TTN: variants seen among roughly 807,000 people sequenced by gnomAD.
TTN encodes connectin.
In TTN, 1,525 loss-of-function variants were observed where a neutral mutation model predicts 3,223.0. The observed-to-expected ratio is 0.47, with a 90% CI of 0.45 to 0.49. TTN has a LOEUF of 0.49. TTN is among the 20% of genes least tolerant of loss of function. TTN has a pLI of 0.00. For synonymous variants in TTN, 14,094 were observed against 15,161.0 expected, an observed-to-expected ratio of 0.93 and a Z score of 5.17; for missense variants, 40,786 against 43,424.0, an observed-to-expected ratio of 0.94 and a Z score of 5.40.
chr2:178,566,764 C>T lies in TTN; in HGVS notation c.79368G>A (p.Glu26456=), dbSNP rs759135684. Residue 26456 remains glutamate (E), a synonymous_variant, in exon 326 of 363, where the codon GAG becomes GAA. Transcript: ENST00000589042. ...TTTCTGCAGAGACCCTGAATTCATA[C>T]TCATGATCTTCTGTTAATCCTGTCA... ...LRVTGLTEDH[E]YEFRVSAENA... 6.2e-7 allele frequency: 1 copy of T among 1,613,424 alleles called. No individual in the cohort carries two copies. The highest frequency in any genetic ancestry group is 1.1e-5 in the South Asian group (1 of 91,078).
chr2:178,564,853 C>A lies in TTN; in HGVS notation c.81279G>T (p.Trp27093Cys). 6.2e-7 allele frequency: 1 copy of A among 1,613,146 alleles called. No homozygotes were observed. Among genetic ancestry groups the A allele is most frequent in the South Asian group, 1.1e-5 (1 of 90,942 alleles). ...SISKDQMLVQ[W>C]HEPVNDGGTK... ...TGCCTCCATCATTCACTGGCTCATG[C>A]CATTGCACAAGCATCTGATCTTTTG... The change falls in exon 326 of 363, where the codon TGG becomes TGT. Residue 27093 changes from tryptophan (W) to cysteine (C), a missense_variant. Physicochemically the swap from Trp to Cys is radical, Grantham distance 215. Coordinates refer to ENST00000589042, the MANE Select transcript of TTN (RefSeq NM_001267550.2).
At chr2:178,771,541 G>T in intron 33 of TTN, 70 bp from the exon 34 acceptor site, 1 of 1,587,052 alleles carries the variant, frequency 6.3e-7, no homozygotes, top group African/African-American at 1.3e-5. Flanking sequence ...CTTTGCAGAA[G>T]TAAATATAAA....
At chr2:178,586,464 T>C (rs750194228) in intron 308 of TTN, 41 bp downstream of exon 308, 1 of 1,595,048 alleles carries the variant, frequency 6.3e-7, no homozygotes, top group Admixed American at 1.8e-5. Context: ...GAAATTCTAA[T>C]AAACTTACCA....
Position 178,769,862 on chromosome 2 carries a change from G to C in TTN, c.8719C>G (p.His2907Asp). ...KTASFECEVS[H>D]FNVPSMWLKN... Reference sequence around the variant, plus strand: ...AGCCACATGGAAGGGACATTGAAGTGGGACACCTCACACTCAAAAGAGGCA... The same window carrying C: ...AGCCACATGGAAGGGACATTGAAGTCGGACACCTCACACTCAAAAGAGGCA... The change falls in exon 37 of 363, where the codon CAC becomes GAC. Residue 2907 changes from histidine to aspartate, a missense_variant. Transcript: ENST00000589042. 1 of 1,614,012 alleles carries C rather than the reference G, an allele frequency of 6.2e-7. No homozygotes were observed. Among genetic ancestry groups the C allele is most frequent in the South Asian group, 1.1e-5 (1 of 91,080 alleles).
intron 335 of TTN, among the ~76,000 whole-genome samples, 162 bp from the exon 336 acceptor site, chr2:178,551,422 C>T (rs1699390037): frequency 6.6e-6 from 1 of 152,046 alleles, no homozygotes; most frequent in Non-Finnish European, 1.5e-5. Context: ...TCATTAATTT[C>T]AACTTTCCAT....
intron 78 of TTN, 36 bp downstream of exon 78, chr2:178,721,811 A>G: frequency 6.9e-7 from 1 of 1,445,108 alleles, no homozygotes; most frequent in African/African-American, 1.4e-5. Context: ...CAAATATGGT[A>G]AGGAACAAAT....
chr2:178,704,020 G>T, intron 106 of TTN, 127 bp downstream of exon 106: 2 of 1,185,978 alleles, frequency 1.7e-6, no homozygotes, highest in Non-Finnish European at 2.3e-6. Context: ...CTATGAGAAC[G>T]TGTGTTGGGA....
In TTN at chr2:178,795,069, G is replaced by T. The variant is rs145253432; in HGVS notation, c.1098C>A (p.Thr366=). ...EAEMRETTLT[T]STQIRTEERW... The stretch of plus-strand genomic sequence containing the variant: ...TCTCTTCTGTCCTGATCTGAGTAGA[G>T]GTTGTCAGCGTTGTCTCTCTCATCT... Residue 366 remains threonine (T), a synonymous_variant, in exon 7 of 363, where the codon ACC becomes ACA. Transcript: ENST00000589042. 9 of 1,613,924 alleles carry T rather than the reference G, an allele frequency of 5.6e-6. No individual in the cohort carries two copies. Among genetic ancestry groups the T allele is most frequent in the Non-Finnish European group, 7.6e-6 (9 of 1,180,004 alleles).
rs200028088 is a variant in TTN, at chr2:178,572,829, G to T, written c.73303C>A (p.Arg24435Ser). 1.9e-6 allele frequency: 3 copies of T among 1,613,332 alleles called. No homozygotes were observed. The highest frequency in any genetic ancestry group is 2.5e-6 in the Non-Finnish European group (3 of 1,179,566). ...PPEIELDADLRKVVTIRACCT... is the reference protein window; with the variant it reads ...PPEIELDADLSKVVTIRACCT... Reference sequence around the variant, plus strand: ...CAGGCCCTTATAGTAACAACTTTGCGCAGGTCAGCATCCAGTTCAATTTCT... The same window carrying T: ...CAGGCCCTTATAGTAACAACTTTGCTCAGGTCAGCATCCAGTTCAATTTCT... The change falls in exon 326 of 363, where the codon CGC (arginine) becomes AGC (serine). Residue 24435 changes from arginine to serine, a missense_variant. By Grantham distance (110) the Arg-to-Ser change is moderately radical (BLOSUM62 -1). Coordinates refer to ENST00000589042, the MANE Select transcript of TTN (RefSeq NM_001267550.2).
intron 53 of TTN, 39 bp from the exon 54 acceptor site, chr2:178,733,556 T>C: frequency 6.3e-7 from 1 of 1,597,732 alleles, no homozygotes; most frequent in South Asian, 1.1e-5. Flanking sequence ...TAAATGCTTG[T>C]TAGGGTTTCA....
intron 9 of TTN, among the ~76,000 whole-genome samples, chr2:178,792,786 C>T (rs2093578154): frequency 6.6e-6 from 1 of 152,214 alleles, no homozygotes; most frequent in Non-Finnish European, 1.5e-5. Context: ...CACAGGATCT[C>T]AAGGCTGAAA....
Position 178,533,371 on chromosome 2 carries a change from C to T in TTN, c.103244G>A (p.Gly34415Asp), listed in dbSNP as rs919270464. The T allele has an allele frequency of 6.2e-7, 1 of 1,613,424 alleles. No individual in the cohort carries two copies. Among genetic ancestry groups the T allele is most frequent in the African/African-American group, 1.3e-5 (1 of 74,880 alleles). The change falls in exon 358 of 363, where the codon GGC becomes GAC. Residue 34415 changes from glycine (G) to aspartate (D), a missense_variant. By Grantham distance (94) the Gly-to-Asp change is moderately conservative. Transcript: ENST00000589042. ...GATGTGCAGAGCATAATAATCCAAG[C>T]CTTCATGGATAATTTCAATGTTAGG... ...LGPNIEIIHE[G>D]LDYYALHIRD...
Position 178,554,962 on chromosome 2 carries a change from G to T in TTN, c.88497C>A (p.Leu29499=). 1.2e-6 allele frequency: 2 copies of T among 1,613,660 alleles called. No homozygotes were observed. Among genetic ancestry groups the T allele is most frequent in the Non-Finnish European group, 1.7e-6 (2 of 1,179,736 alleles). ...TATTAAGGCGATCGGCATCTTTGAT[G>T]AGTATAGATGCGAGGTCCGTGGTAT... is the stretch of plus-strand genomic sequence containing the variant. ...VENTTDLASI[L]IKDADRLNSG... Residue 29499 remains leucine, a synonymous_variant, in exon 331 of 363, where the codon CTC becomes CTA. Coordinates refer to ENST00000589042, the MANE Select transcript of TTN (RefSeq NM_001267550.2).
Position 178,543,167 on chromosome 2 carries a change from T to C in TTN, c.96806A>G (p.Glu32269Gly). ...TATTCTAAATAAGTATTGTTCACCT[T>C]CATTTAAGGAAGTAACAGTGTGCTC... is the stretch of plus-strand genomic sequence containing the variant. ...VLEHTVTSLN[E>G]GEQYLFRIRA... Residue 32269 changes from glutamate (E) to glycine (G), a missense_variant, in exon 347 of 363, where the codon GAA becomes GGA. Physicochemically the swap from Glu to Gly is moderately conservative, Grantham distance 98. Coordinates refer to ENST00000589042, the MANE Select transcript of TTN (RefSeq NM_001267550.2). The C allele has an allele frequency of 6.2e-7, 1 of 1,613,584 alleles. No homozygotes were observed. The highest frequency in any genetic ancestry group is 2.2e-5 in the East Asian group (1 of 44,860).
intron 249 of TTN, 36 bp downstream of exon 249, chr2:178,619,952 G>C: frequency 6.3e-7 from 1 of 1,595,212 alleles, no homozygotes; most frequent in Non-Finnish European, 8.5e-7. Context: ...TTAAAAAATT[G>C]GTAACATTAG....
In TTN at chr2:178,569,592, G is replaced by C; in HGVS notation, c.76540C>G (p.Leu25514Val). The C allele has an allele frequency of 6.2e-7, 1 of 1,612,668 alleles. No individual in the cohort carries two copies. Among genetic ancestry groups the C allele is most frequent in the Non-Finnish European group, 8.5e-7 (1 of 1,179,354 alleles). ...ATATTTATGATTTTCCTTAGTTCTAGGTCAAGATCAATGTCTGGTGCTTCT... is the reference window on the plus strand; with the variant it reads ...ATATTTATGATTTTCCTTAGTTCTACGTCAAGATCAATGTCTGGTGCTTCT... ...KLEAPDIDLD[L>V]ELRKIINIRA... Residue 25514 changes from leucine to valine, a missense_variant, in exon 326 of 363, where the codon CTA becomes GTA. By Grantham distance (32) the Leu-to-Val change is conservative. Transcript: ENST00000589042.
Position 178,713,675 on chromosome 2 carries a change from C to A in TTN, c.26761+222G>T. The A allele has an allele frequency of 5.5e-6, 4 of 733,558 alleles. No homozygotes were observed. The South Asian group carries it at 9.1e-5, about 17-fold the overall frequency. 45.4% of individuals were successfully genotyped at this position (733,558 alleles called of 1,614,324 possible). Reference sequence around the variant, plus strand: ...TTAACCTTATCCAGGGACTATTTTTCATTCCTATCATCATTTTGGAAATTC... The same window carrying A: ...TTAACCTTATCCAGGGACTATTTTTAATTCCTATCATCATTTTGGAAATTC... On this transcript the variant is annotated intron_variant, in intron 92 of 362. Transcript: ENST00000589042.
chr2:178,790,338 A>G (rs1023930508), intron 11 of TTN, among the ~76,000 whole-genome samples: 1 of 152,236 alleles, frequency 6.6e-6, no homozygotes, highest in Non-Finnish European at 1.5e-5. Context: ...GTGATTAGCA[A>G]TAAAAGACTA....
At chr2:178,703,453 T>C (rs958741659) in intron 106 of TTN, among the ~76,000 whole-genome samples, 5 of 152,224 alleles carry the variant, frequency 3.3e-5, no homozygotes, top group Non-Finnish European at 7.3e-5. Context: ...AAAGTTGACA[T>C]GCTTATGTAA....
Sources: allele counts gnomAD v4.1 joint callset (sites outside exome capture counted in the v4.1 genomes callset), GRCh38; gene constraint gnomAD v4.1.1; transcripts MANE v1.5; gene names NCBI Gene and HGNC (gene_info 2026-07-23, HGNC 2026-07-21).